Variants in NAV3 observed in about 807,000 individuals in gnomAD.
The protein encoded by NAV3 is pore membrane and/or filament interacting like protein 1.
A neutral mutation model predicts 244.7 loss-of-function variants in NAV3; 87 were observed. The observed-to-expected ratio is 0.36, with a 90% confidence interval of 0.30 to 0.42. The LOEUF (loss-of-function observed/expected upper bound fraction) is 0.42. Ranked by LOEUF, NAV3 falls within the 20% of genes least tolerant of loss-of-function variation. The pLI is 1.00. For synonymous variants in NAV3, 1,126 were observed against 1,042.2 expected, an observed-to-expected ratio of 1.08 and a Z score of -1.55; for missense variants, 2,663 against 2,893.3, an observed-to-expected ratio of 0.92 and a Z score of 1.83.
intron 6 of NAV3, among the ~76,000 whole-genome samples, chr12:77,996,882 C>T (rs1226710364): frequency 2.6e-5 from 4 of 152,142 alleles, no homozygotes; most frequent in Non-Finnish European, 4.4e-5. Context: ...GTGACATTCA[C>T]ATGGTGGCAG....
Position 78,035,091 on chromosome 12 carries a change from T to G in NAV3, c.2023+13229T>G, listed in dbSNP as rs114339811. ...ACCTTGAAAGGTGGGGCATAAGGAA[T>G]AATTAACTTTACAAAGTAAGTGGTT... On this transcript the variant is annotated intron_variant, in intron 9 of 39. Transcript: ENST00000397909. Among the ~76,000 whole-genome samples, 585 of 152,296 alleles carry G rather than the reference T, an allele frequency of 3.8e-3. 9 individuals are homozygous for G. The highest frequency in any genetic ancestry group is 0.013 in the African/African-American group (555 of 41,588).
chr12:77,740,023 A>G (rs995774354), intron 2 of NAV3, among the ~76,000 whole-genome samples: 4 of 152,238 alleles, frequency 2.6e-5, no homozygotes, highest in African/African-American at 9.6e-5. Flanking sequence ...TAATTTCTTC[A>G]GTGCTTTAAA....
chr12:77,919,415 T>C (rs967808259), intron 1 of NAV3, among the ~76,000 whole-genome samples: 1 of 151,996 alleles, frequency 6.6e-6, no homozygotes, highest in African/African-American at 2.4e-5. Flanking sequence ...AATATAAGAG[T>C]TGGGTATCCA....
chr12:78,053,157 G>T (rs529496210), intron 11 of NAV3, among the ~76,000 whole-genome samples: 172 of 151,630 alleles, frequency 1.1e-3, no homozygotes, highest in African/African-American at 4.0e-3. Context: ...AAGTTGCAGT[G>T]AGCTGAGATT....
chr12:77,917,564 A>G (rs748264004), intron 1 of NAV3, among the ~76,000 whole-genome samples: 3 of 151,870 alleles, frequency 2.0e-5, no homozygotes, highest in Non-Finnish European at 4.4e-5. Flanking sequence ...ATTTTCTACT[A>G]TTGTCTTACT....
At chr12:77,948,739 A>AT (rs5799362) in intron 3 of NAV3, among the ~76,000 whole-genome samples, 126,216 of 148,268 alleles carry the variant, frequency 0.85, 53,881 homozygotes, top group East Asian at 0.98. Flanking sequence ...GTGGAAAAAT[A>AT]TTAACAGTAG....
chr12:77,810,265 G>A (rs775553835), intron 2 of NAV3, among the ~76,000 whole-genome samples: 1 of 152,052 alleles, frequency 6.6e-6, no homozygotes, highest in African/African-American at 2.4e-5. Context: ...TCCGCCTCCC[G>A]GGTTCACGCC....
At position 78,212,932 on chromosome 12, in the gene NAV3, A is replaced by G. The variant is rs1960993822; in HGVS notation, c.*2415A>G. 6.6e-6 allele frequency: 1 copy of G among 152,608 alleles called. No individual in the cohort carries two copies. Among genetic ancestry groups the G allele is most frequent in the African/African-American group, 2.4e-5 (1 of 41,450 alleles). The allele number at this position is 152,608 out of a possible 1,614,324, so 9.5% of individuals were successfully genotyped here. ...TCCTCTAGCTTGTAAACCAGCTTGC[A>G]TATATTTTTTTGCAAATGTGCACCC... On this transcript the variant is annotated 3_prime_UTR_variant, in exon 40 of 40. Transcript: ENST00000397909.
At chr12:77,832,435 T>G (rs1420527974) in intron 1 of NAV3, among the ~76,000 whole-genome samples, 1 of 152,204 alleles carries the variant, frequency 6.6e-6, no homozygotes, top group African/African-American at 2.4e-5. Context: ...ATTTGTACCT[T>G]GATAAGCGTC....
intron 1 of NAV3, among the ~76,000 whole-genome samples, chr12:77,903,941 T>G (rs1229404627): frequency 6.6e-6 from 1 of 151,980 alleles, no homozygotes; most frequent in Non-Finnish European, 1.5e-5. Context: ...AAAACCACAA[T>G]GAGATACCAT....
intron 5 of NAV3, among the ~76,000 whole-genome samples, chr12:77,990,698 C>A (rs1454694094): frequency 6.6e-6 from 1 of 152,112 alleles, no homozygotes; most frequent in African/African-American, 2.4e-5. Context: ...AAAATTTTCT[C>A]ATTTTCTCAT....
chr12:77,616,684 A>G (rs1185110545), intron 2 of NAV3, among the ~76,000 whole-genome samples: 2 of 151,872 alleles, frequency 1.3e-5, no homozygotes, highest in African/African-American at 2.4e-5. Context: ...TGCTATTTGT[A>G]CTACATGCAC....
intron 2 of NAV3, among the ~76,000 whole-genome samples, chr12:77,584,530 C>T (rs948751777): frequency 6.6e-6 from 1 of 151,830 alleles, no homozygotes; most frequent in African/African-American, 2.4e-5. Flanking sequence ...TTTATTTCTT[C>T]CTATGAGGGA....
At chr12:77,716,294 T>A (rs1203835199) in intron 2 of NAV3, among the ~76,000 whole-genome samples, 1 of 151,796 alleles carries the variant, frequency 6.6e-6, no homozygotes, top group Non-Finnish European at 1.5e-5. Flanking sequence ...TTTTTTCCTT[T>A]GGTATTTTTG....
At chr12:78,137,988 G>A (rs1000495047) in intron 19 of NAV3, among the ~76,000 whole-genome samples, 29 of 152,126 alleles carry the variant, frequency 1.9e-4, no homozygotes, top group African/African-American at 6.0e-4. Flanking sequence ...ATATATTTTT[G>A]TAAACTGTAG....
At chr12:77,971,781 A>G (rs915757471) in intron 5 of NAV3, among the ~76,000 whole-genome samples, 2 of 152,140 alleles carry the variant, frequency 1.3e-5, no homozygotes, top group Non-Finnish European at 2.9e-5. Flanking sequence ...GTATTTGGCC[A>G]GAAAATGTTC....
At chr12:77,587,923 T>C (rs923749304) in intron 2 of NAV3, among the ~76,000 whole-genome samples, 22 of 152,280 alleles carry the variant, frequency 1.4e-4, no homozygotes, top group Middle Eastern at 3.4e-3. Context: ...TGCTGGATAA[T>C]GTTAGAGTTG....
chr12:77,693,917 A>C lies in NAV3; in HGVS notation c.72+121651A>C, dbSNP rs76836847. On this transcript the variant is annotated intron_variant, in intron 2 of 8. Coordinates refer to the NAV3 transcript ENST00000550042. ...TGTTTACAATCTTTAATCCCAACTGACACAATGATCTGATAGGATATAAAA... is the reference window on the plus strand; with the variant it reads ...TGTTTACAATCTTTAATCCCAACTGCCACAATGATCTGATAGGATATAAAA... Among the ~76,000 whole-genome samples, 893 of 152,170 alleles carry C rather than the reference A, an allele frequency of 5.9e-3. 11 individuals carry two copies. The highest frequency in any genetic ancestry group is 0.02 in the African/African-American group (847 of 41,516).
intron 9 of NAV3, among the ~76,000 whole-genome samples, chr12:78,042,061 C>T (rs1165317613): frequency 6.6e-6 from 1 of 152,112 alleles, no homozygotes; most frequent in East Asian, 1.9e-4. Context: ...CCAATTCCCT[C>T]CTCCTTTCTG....
Sources: allele counts gnomAD v4.1 joint callset (sites outside exome capture counted in the v4.1 genomes callset), GRCh38; gene constraint gnomAD v4.1.1; transcripts MANE v1.5; gene names NCBI Gene and HGNC (gene_info 2026-07-23, HGNC 2026-07-21).